RAB11FIP4: variants seen among roughly 807,000 people sequenced by gnomAD.
RAB11FIP4 encodes the protein rab11 family-interacting protein 4.
In RAB11FIP4, 23 loss-of-function variants were observed where a neutral mutation model predicts 74.3. That is an observed-to-expected ratio of 0.31 (90% confidence interval 0.22 to 0.44). The LOEUF (loss-of-function observed/expected upper bound fraction) is 0.44. RAB11FIP4 is among the 20% of genes least tolerant of loss of function. The pLI, the probability that RAB11FIP4 is intolerant of heterozygous loss-of-function variation, is 1.00. For missense variants in RAB11FIP4, 630 were observed against 863.9 expected, an observed-to-expected ratio of 0.73 and a Z score of 3.39; for synonymous variants, 360 against 359.9, an observed-to-expected ratio of 1.00 and a Z score of 0.00.
At chr17:31,501,598 G>A (rs1017014678) in intron 3 of RAB11FIP4, among the ~76,000 whole-genome samples, 7 of 152,006 alleles carry the variant, frequency 4.6e-5, no homozygotes, top group East Asian at 1.9e-4. Context: ...GCGCGATCTC[G>A]GCTCACTGCA....
At chr17:31,487,973 C>T in intron 3 of RAB11FIP4, 1 of 915,446 alleles carries the variant, frequency 1.1e-6, no homozygotes, top group Non-Finnish European at 1.3e-6. Context: ...CCCGCCCCCG[C>T]CCCGCCCCGG....
At chr17:31,510,688 G>A (rs942354066) in intron 3 of RAB11FIP4, among the ~76,000 whole-genome samples, 4 of 152,188 alleles carry the variant, frequency 2.6e-5, no homozygotes, top group African/African-American at 9.7e-5. Context: ...AGGCACTGAT[G>A]TTTGGAGGGC....
At chr17:31,451,257 G>A (rs1277556216) in intron 3 of RAB11FIP4, among the ~76,000 whole-genome samples, 2 of 152,064 alleles carry the variant, frequency 1.3e-5, no homozygotes, top group East Asian at 1.9e-4. Context: ...TCAGGAGTTC[G>A]AGACCAGCTT....
chr17:31,469,593 T>C (rs2071718521), intron 3 of RAB11FIP4, among the ~76,000 whole-genome samples: 2 of 147,120 alleles, frequency 1.4e-5, no homozygotes, highest in Admixed American at 1.4e-4. Flanking sequence ...TGCCATGCCA[T>C]TGTACTCCAG....
At position 31,463,803 on chromosome 17, in the gene RAB11FIP4, CTTTTTTTTTT is replaced by C. The variant is rs60955293; in HGVS notation, c.336+29700_336+29709del. Among the ~76,000 whole-genome samples, 304 of 32,848 alleles carry C rather than the reference CTTTTTTTTTT, an allele frequency of 9.3e-3. 6 individuals are homozygous for C. The highest frequency in any genetic ancestry group is 0.03 in the African/African-American group (275 of 9,218). The allele number at this position is 32,848 out of a possible 152,430, so 21.5% of individuals were successfully genotyped here. A position where few individuals can be genotyped will look rare whatever the true frequency, so the allele number is the denominator to read the frequency against. The stretch of plus-strand genomic sequence containing the variant: ...ACAGGTGTGAGCCACTGCGCCTGGA[CTTTTTTTTTT>C]TTTTTTTTTTTTTTTTTTGAGACAG... On this transcript the variant is annotated intron_variant, in intron 3 of 14. Transcript: ENST00000621161.
At chr17:31,420,666 C>T (rs1324432616) in intron 1 of RAB11FIP4, among the ~76,000 whole-genome samples, 1 of 151,352 alleles carries the variant, frequency 6.6e-6, no homozygotes, top group Non-Finnish European at 1.5e-5. Flanking sequence ...CTACCAGTCT[C>T]ATTTTTAATT....
intron 3 of RAB11FIP4, among the ~76,000 whole-genome samples, chr17:31,509,743 G>A (rs927513130): frequency 1.6e-4 from 25 of 152,204 alleles, no homozygotes; most frequent in Admixed American, 5.9e-4. Context: ...TGGCTGAGGT[G>A]TGGGATGATC....
rs1322080537 is a variant in RAB11FIP4, at chr17:31,533,722, G to A, written c.*1990G>A. 1 of 152,240 alleles carries A rather than the reference G, an allele frequency of 6.6e-6. No homozygotes were observed. The highest frequency in any genetic ancestry group is 1.5e-5 in the Non-Finnish European group (1 of 68,064). The allele number at this position is 152,240 out of a possible 1,614,324, so 9.4% of individuals were successfully genotyped here. On this transcript the variant is annotated 3_prime_UTR_variant, in exon 15 of 15. Transcript: ENST00000621161. ...TTACACAGCCTGAGTCACAACGTGG[G>A]AAGGAATCTCTGCCACGGGAAAGGT...
At chr17:31,462,556 TCA>T (rs1028810375) in intron 3 of RAB11FIP4, among the ~76,000 whole-genome samples, 13 of 152,174 alleles carry the variant, frequency 8.5e-5, no homozygotes, top group Non-Finnish European at 1.2e-4. Flanking sequence ...CCACCAGCAC[TCA>T]GTTTCCTAGC....
chr17:31,493,390 G>A (rs2072049495), intron 3 of RAB11FIP4, among the ~76,000 whole-genome samples: 1 of 151,972 alleles, frequency 6.6e-6, no homozygotes, highest in South Asian at 2.1e-4. Context: ...GTCATCTGTG[G>A]TCACCCCCCA....
At chr17:31,501,592 G>T (rs138956215) in intron 3 of RAB11FIP4, among the ~76,000 whole-genome samples, 4,223 of 152,124 alleles carry the variant, frequency 0.028, 177 homozygotes, top group African/African-American at 0.097. Context: ...GCAGTGGCGC[G>T]ATCTCGGCTC....
At chr17:31,425,458 C>T (rs930924697) in intron 1 of RAB11FIP4, among the ~76,000 whole-genome samples, 6 of 152,060 alleles carry the variant, frequency 3.9e-5, no homozygotes, top group African/African-American at 1.2e-4. Flanking sequence ...ATTAGGGAGG[C>T]GTGGGTGGCT....
chr17:31,488,601 C>T (rs548671472), intron 3 of RAB11FIP4, among the ~76,000 whole-genome samples: 3 of 152,356 alleles, frequency 2.0e-5, no homozygotes, highest in East Asian at 3.9e-4. Flanking sequence ...TGGTACCCAG[C>T]GCCGTACCCT....
At chr17:31,428,507 G>T (rs61533627) in intron 1 of RAB11FIP4, among the ~76,000 whole-genome samples, 15,888 of 152,090 alleles carry the variant, frequency 0.1, 1,410 homozygotes, top group East Asian at 0.32. Context: ...GCTCATCCTG[G>T]CCTGGCTGTG....
intron 1 of RAB11FIP4, among the ~76,000 whole-genome samples, chr17:31,406,536 C>T (rs1278358131): frequency 1.3e-5 from 2 of 152,234 alleles, no homozygotes; most frequent in African/African-American, 4.8e-5. Flanking sequence ...CCCATCAGCA[C>T]TATTATTTTA....
intron 1 of RAB11FIP4, among the ~76,000 whole-genome samples, chr17:31,425,166 T>G (rs1312145889): frequency 1.3e-5 from 2 of 152,186 alleles, no homozygotes; most frequent in African/African-American, 4.8e-5. Context: ...TCCTCCCCTG[T>G]AAAATGGGAA....
intron 3 of RAB11FIP4, among the ~76,000 whole-genome samples, chr17:31,490,262 G>A (rs1421910256): frequency 6.6e-6 from 1 of 152,090 alleles, no homozygotes; most frequent in African/African-American, 2.4e-5. Flanking sequence ...CTCTTTGGCC[G>A]TTCACCTGGG....
At position 31,402,220 on chromosome 17, in the gene RAB11FIP4, TCCATCCATCCAC is replaced by T. The variant is rs1237690003; in HGVS notation, c.159+10213_159+10224del. ...ATCCATCCATCCATCCATCCATCCA[TCCATCCATCCAC>T]CCACCATCTACCACTTCCTGAGTAT... On this transcript the variant is annotated intron_variant, in intron 1 of 14. Transcript: ENST00000621161. Among the ~76,000 whole-genome samples the T allele has an allele frequency of 4.0e-3, 598 of 151,320 alleles. 1 individual carries two copies. The highest frequency in any genetic ancestry group is 0.011 in the African/African-American group (437 of 41,224).
At position 31,532,417 on chromosome 17, in the gene RAB11FIP4, A is replaced by G. The variant is rs1242174833; in HGVS notation, c.*685A>G. 6.6e-6 allele frequency: 1 copy of G among 152,150 alleles called. No homozygotes were observed. The highest frequency in any genetic ancestry group is 1.5e-5 in the Non-Finnish European group (1 of 68,014). The allele number at this position is 152,150 out of a possible 1,614,324, so 9.4% of individuals were successfully genotyped here. A position where few individuals can be genotyped will look rare whatever the true frequency, so the allele number is the denominator to read the frequency against. On this transcript the variant is annotated 3_prime_UTR_variant, in exon 15 of 15. Coordinates refer to ENST00000621161, the MANE Select transcript of RAB11FIP4 (RefSeq NM_032932.6). ...CATCCTGTACCTATAGAGTTCGTGCACTCCCCCATCCATGCTACCTACCTC... is the reference window on the plus strand; with the variant it reads ...CATCCTGTACCTATAGAGTTCGTGCGCTCCCCCATCCATGCTACCTACCTC...
Sources: allele counts gnomAD v4.1 joint callset (sites outside exome capture counted in the v4.1 genomes callset), GRCh38; gene constraint gnomAD v4.1.1; transcripts MANE v1.5; gene names NCBI Gene and HGNC (gene_info 2026-07-23, HGNC 2026-07-21).